The following R3HDM1 variants were observed in gnomAD, a reference collection of about 807,000 sequenced individuals.
R3HDM1 encodes R3H domain containing 1, also known as R3H domain-containing protein 1.
Under a neutral mutation model 141.1 loss-of-function variants are expected in R3HDM1, and 46 were observed. The ratio of observed to expected loss-of-function variants is 0.33; its 90% CI spans 0.26 to 0.42. The LOEUF is 0.42. Ranked by LOEUF, R3HDM1 falls within the 10% of genes least tolerant of loss-of-function variation. R3HDM1 has a pLI of 1.00. For missense variants in R3HDM1, 1,184 were observed against 1,368.3 expected (o/e 0.87, Z 2.12); for synonymous variants, 435 against 472.9 (o/e 0.92, Z 1.04).
intron 14 of R3HDM1, 60 bp downstream of exon 14, chr2:135,639,182 G>T: frequency 6.6e-7 from 1 of 1,508,144 alleles, no homozygotes; most frequent in Non-Finnish European, 9.1e-7. Flanking sequence ...TGTTGTCTCA[G>T]GTCCTTATTT....
chr2:135,564,361 C>G (rs1559131462), intron 1 of R3HDM1, among the ~76,000 whole-genome samples: 1 of 152,138 alleles, frequency 6.6e-6, no homozygotes, highest in African/African-American at 2.4e-5. Context: ...ACTCTGTTGC[C>G]CAGGCGGGAG....
chr2:135,570,044 G>A (rs1703758335), intron 1 of R3HDM1, among the ~76,000 whole-genome samples: 1 of 152,102 alleles, frequency 6.6e-6, no homozygotes, highest in African/African-American at 2.4e-5. Flanking sequence ...CTTTTTAAGT[G>A]TTAACTCTTG....
intron 1 of R3HDM1, among the ~76,000 whole-genome samples, chr2:135,536,149 T>TGCTCCCAATG (rs1696050461): frequency 6.6e-6 from 1 of 151,930 alleles, no homozygotes; most frequent in Non-Finnish European, 1.5e-5. Context: ...TCATTTTTTA[T>TGCTCCCAATG]TTTTTTAAGA....
At chr2:135,566,838 G>A in intron 1 of R3HDM1, 1 of 862,068 alleles carries the variant, frequency 1.2e-6, no homozygotes, top group Non-Finnish European at 1.4e-6. Context: ...CCAGCATGAT[G>A]GCGGGTACCT....
chr2:135,627,192 A>C (rs1459783350), intron 7 of R3HDM1, among the ~76,000 whole-genome samples: 1 of 152,204 alleles, frequency 6.6e-6, no homozygotes. Flanking sequence ...TGCCAGCTAT[A>C]CCTGGTACAC....
Position 135,645,518 on chromosome 2 carries a change from T to C in R3HDM1, c.1614T>C (p.Ile538=), listed in dbSNP as rs1393368397. 1.2e-6 allele frequency: 2 copies of C among 1,614,006 alleles called. No individual in the cohort carries two copies. The highest frequency in any genetic ancestry group is 4.5e-5 in the East Asian group (2 of 44,884). ...CTCAACAACCAGCAGCTAATCACATTTTCTCACAGGTGCACATATCCATGA... is the reference window on the plus strand; with the variant it reads ...CTCAACAACCAGCAGCTAATCACATCTTCTCACAGGTGCACATATCCATGA... ...APPQQPAANH[I]FSQPVHPLQS... is the part of the protein sequence containing the mutation. Residue 538 remains isoleucine, a synonymous_variant, in exon 16 of 27, where the codon ATT becomes ATC. Coordinates refer to ENST00000683871, the MANE Select transcript of R3HDM1 (RefSeq NM_001378107.1).
At chr2:135,569,973 G>T (rs749835799) in intron 1 of R3HDM1, among the ~76,000 whole-genome samples, 2 of 152,016 alleles carry the variant, frequency 1.3e-5, no homozygotes, top group Non-Finnish European at 2.9e-5. Context: ...TGATCTGTCC[G>T]CCTCGGCCTC....
chr2:135,651,879 A>G lies in R3HDM1; in HGVS notation c.1875A>G (p.Pro625=). Residue 625 remains proline (P), a synonymous_variant, in exon 18 of 27, where the codon CCA becomes CCG. Coordinates refer to ENST00000683871, the MANE Select transcript of R3HDM1 (RefSeq NM_001378107.1). ...GTTATATCATGACAGCAGCCCCTCC[A>G]CCACATCCTCCTCCACCGCCACCAC... is the stretch of plus-strand genomic sequence containing the variant. ...QSGYIMTAAP[P]PHPPPPPPPP... 6.2e-7 allele frequency: 1 copy of G among 1,613,646 alleles called. No homozygotes were observed. The highest frequency in any genetic ancestry group is 1.1e-5 in the South Asian group (1 of 91,056).
At position 135,561,675 on chromosome 2, in the gene R3HDM1, A is replaced by G. The variant is rs141877025; in HGVS notation, c.-250+30042A>G. ...CGAGGCTGTAGCGAGCCACCATAGA[A>G]CCACTGCACTCCAGCTTAGGTGACA... is the stretch of plus-strand genomic sequence containing the variant. On this transcript the variant is annotated intron_variant, in intron 1 of 26. Transcript: ENST00000683871. Among the ~76,000 whole-genome samples, 153 of 152,182 alleles carry G rather than the reference A, an allele frequency of 1.0e-3. 1 individual carries two copies. The highest frequency in any genetic ancestry group is 3.5e-3 in the African/African-American group (145 of 41,508).
chr2:135,636,529 A>G (rs1030806966), intron 11 of R3HDM1, among the ~76,000 whole-genome samples: 14 of 152,174 alleles, frequency 9.2e-5, no homozygotes, highest in African/African-American at 3.4e-4. Context: ...TGTCTACAAA[A>G]TCATATACTC....
intron 21 of R3HDM1, among the ~76,000 whole-genome samples, chr2:135,684,324 C>T (rs1319469844): frequency 6.6e-5 from 10 of 152,080 alleles, no homozygotes; most frequent in East Asian, 3.9e-4. Flanking sequence ...CTCCTGACCT[C>T]GTGATCCGCC....
At chr2:135,651,144 A>G (rs2065106909) in intron 17 of R3HDM1, 1 of 985,342 alleles carries the variant, frequency 1.0e-6, no homozygotes, top group African/African-American at 1.7e-5. Flanking sequence ...TCCAGAACAG[A>G]TTGAAAAACA....
chr2:135,532,108 C>T (rs1015401441), intron 1 of R3HDM1, among the ~76,000 whole-genome samples: 1 of 152,184 alleles, frequency 6.6e-6, no homozygotes, highest in Non-Finnish European at 1.5e-5. Context: ...GTGTGGCTGG[C>T]GCCGGTGCCC....
chr2:135,710,170 A>G lies in R3HDM1; in HGVS notation c.2675A>G (p.Tyr892Cys), dbSNP rs2075454444. 6.2e-7 allele frequency: 1 copy of G among 1,614,164 alleles called. No homozygotes were observed. The highest frequency in any genetic ancestry group is 1.3e-5 in the African/African-American group (1 of 75,064). The change falls in exon 23 of 27, where the codon TAC becomes TGC. Residue 892 changes from tyrosine (Y) to cysteine (C), a missense_variant. Tyr to Cys is a radical substitution (Grantham distance 194). Coordinates refer to ENST00000683871, the MANE Select transcript of R3HDM1 (RefSeq NM_001378107.1). ...SPPQWKQNKY[Y>C]CDHQRGQKCV... ...CCGCAGTGGAAACAAAACAAATATT[A>G]CTGTGATCACCAGAGAGGACAGAAG...
chr2:135,584,813 T>C (rs1707509748), intron 1 of R3HDM1, among the ~76,000 whole-genome samples: 1 of 152,262 alleles, frequency 6.6e-6, no homozygotes, highest in African/African-American at 2.4e-5. Flanking sequence ...TTGTTTTTGC[T>C]ACAGTGTAAG....
intron 1 of R3HDM1, among the ~76,000 whole-genome samples, chr2:135,561,790 T>C (rs1047097011): frequency 5.9e-5 from 9 of 152,256 alleles, no homozygotes; most frequent in African/African-American, 2.2e-4. Flanking sequence ...CATTTAACTT[T>C]AGAAAAATTA....
At chr2:135,721,119 T>C (rs545107996) in intron 24 of R3HDM1, among the ~76,000 whole-genome samples, 1 of 152,336 alleles carries the variant, frequency 6.6e-6, no homozygotes, top group African/African-American at 2.4e-5. Context: ...ACCACTGTTA[T>C]TAGTCCTTAA....
At chr2:135,656,780 T>G (rs2065952182) in intron 18 of R3HDM1, among the ~76,000 whole-genome samples, 1 of 152,200 alleles carries the variant, frequency 6.6e-6, no homozygotes, top group Non-Finnish European at 1.5e-5. Flanking sequence ...AAAAATAGTG[T>G]TAATAATTTT....
intron 17 of R3HDM1, chr2:135,651,033 G>A: frequency 1.0e-6 from 1 of 985,368 alleles, no homozygotes; most frequent in South Asian, 4.7e-5. Context: ...AGAAATGTTT[G>A]TCAGATAGCA....
Sources: gnomAD v4.1 joint callset for allele counts (sites outside exome capture counted in the v4.1 genomes callset) on GRCh38, gnomAD v4.1.1 for gene constraint, MANE v1.5 for transcripts, NCBI Gene and HGNC (gene_info 2026-07-23, HGNC 2026-07-21) for gene names.